Variants in NR3C2 observed in about 807,000 individuals in gnomAD.
The protein encoded by NR3C2 is mineralocorticoid receptor.
Under a neutral mutation model 86.4 loss-of-function variants are expected in NR3C2, and 15 were observed. The observed-to-expected ratio is 0.17, with a 90% CI of 0.12 to 0.27. NR3C2 has a LOEUF of 0.27. Ranked by LOEUF, NR3C2 falls within the 10% of genes least tolerant of loss-of-function variation. NR3C2 has a pLI of 1.00. For missense variants in NR3C2, 960 were observed against 1,195.6 expected (o/e 0.80, Z 2.91); for synonymous variants, 458 against 450.5 (o/e 1.02, Z -0.21).
chr4:148,230,922 T>A (rs909262578), intron 3 of NR3C2, among the ~76,000 whole-genome samples: 5 of 152,250 alleles, frequency 3.3e-5, no homozygotes, highest in African/African-American at 7.2e-5. Context: ...TCTCCAAATT[T>A]AAGTATCGAT....
At chr4:148,288,839 C>T (rs966560682) in intron 2 of NR3C2, among the ~76,000 whole-genome samples, 4 of 152,084 alleles carry the variant, frequency 2.6e-5, no homozygotes, top group African/African-American at 9.7e-5. Context: ...CAGTGTTATG[C>T]CCCCTGCTTA....
intron 6 of NR3C2, among the ~76,000 whole-genome samples, chr4:148,148,741 C>A (rs1177419084): frequency 6.6e-6 from 1 of 152,194 alleles, no homozygotes; most frequent in Non-Finnish European, 1.5e-5. Context: ...CCATTAACTG[C>A]TCTCAGAGCA....
intron 4 of NR3C2, among the ~76,000 whole-genome samples, chr4:148,189,264 C>T (rs1736084600): frequency 1.3e-5 from 2 of 152,078 alleles, no homozygotes; most frequent in Non-Finnish European, 2.9e-5. Flanking sequence ...TGGATTTTGT[C>T]TAATGCATTT....
intron 2 of NR3C2, among the ~76,000 whole-genome samples, chr4:148,381,831 G>A (rs1049579411): frequency 6.6e-6 from 1 of 152,130 alleles, no homozygotes; most frequent in East Asian, 1.9e-4. Context: ...ACGCTTGTGT[G>A]TATTTTTCAG....
intron 2 of NR3C2, among the ~76,000 whole-genome samples, chr4:148,329,060 A>G (rs1744101329): frequency 6.6e-6 from 1 of 152,198 alleles, no homozygotes; most frequent in Non-Finnish European, 1.5e-5. Flanking sequence ...ATCATAGGTC[A>G]AAATTGCAAA....
chr4:148,405,512 C>G (rs1748377454), intron 2 of NR3C2, among the ~76,000 whole-genome samples: 1 of 152,022 alleles, frequency 6.6e-6, no homozygotes, highest in Non-Finnish European at 1.5e-5. Flanking sequence ...TGAAAGTTAC[C>G]AAGTTGAAAA....
intron 4 of NR3C2, among the ~76,000 whole-genome samples, chr4:148,173,873 G>A (rs1189331739): frequency 1.3e-5 from 2 of 152,144 alleles, no homozygotes; most frequent in South Asian, 2.1e-4. Context: ...AGGAGCCCCC[G>A]ACTGTGTGGA....
chr4:148,214,420 T>C (rs535686613), intron 3 of NR3C2, among the ~76,000 whole-genome samples: 1 of 152,196 alleles, frequency 6.6e-6, no homozygotes, highest in Non-Finnish European at 1.5e-5. Context: ...ATACCCACTT[T>C]CCACAATTTG....
At chr4:148,323,105 C>A (rs1053590293) in intron 2 of NR3C2, among the ~76,000 whole-genome samples, 2 of 149,120 alleles carry the variant, frequency 1.3e-5, no homozygotes, top group Admixed American at 6.7e-5. Flanking sequence ...ACAGACAGGA[C>A]CCTCAGCTGC....
chr4:148,168,598 G>A (rs1484988821), intron 4 of NR3C2, among the ~76,000 whole-genome samples: 1 of 152,168 alleles, frequency 6.6e-6, no homozygotes, highest in African/African-American at 2.4e-5. Flanking sequence ...GACATTTATT[G>A]ATATTTATTT....
intron 2 of NR3C2, among the ~76,000 whole-genome samples, chr4:148,276,628 T>A (rs762000399): frequency 4.5e-4 from 68 of 152,180 alleles, no homozygotes; most frequent in Non-Finnish European, 8.8e-4. Flanking sequence ...ATGGTGCTCA[T>A]TTAGCAAGTG....
At chr4:148,257,920 C>T (rs1247759520) in intron 3 of NR3C2, among the ~76,000 whole-genome samples, 4 of 152,084 alleles carry the variant, frequency 2.6e-5, no homozygotes, top group East Asian at 1.9e-4. Flanking sequence ...ATCCATGGAT[C>T]GATCAGCTTT....
Position 148,246,093 on chromosome 4 carries a change from TAACAACAAC to T in NR3C2, c.1897+13876_1897+13884del, listed in dbSNP as rs138674569. On this transcript the variant is annotated intron_variant, in intron 3 of 8. Transcript: ENST00000358102. The stretch of plus-strand genomic sequence containing the variant: ...AATGGTGTTCCCTGGTCAGATGCTA[TAACAACAAC>T]AACAACAACAACAACAACAAAACAG... Among the ~76,000 whole-genome samples, 1,284 of 150,776 alleles carry T rather than the reference TAACAACAAC, an allele frequency of 8.5e-3. 7 individuals are homozygous for T. The highest frequency in any genetic ancestry group is 0.024 in the Middle Eastern group (7 of 290).
chr4:148,235,374 G>A (rs1579049633), intron 3 of NR3C2, among the ~76,000 whole-genome samples: 1 of 151,670 alleles, frequency 6.6e-6, no homozygotes, highest in African/African-American at 2.4e-5. Context: ...AGGAAAAGGG[G>A]ATATGCCGCT....
intron 4 of NR3C2, among the ~76,000 whole-genome samples, chr4:148,186,122 A>C (rs1428410613): frequency 6.6e-6 from 1 of 152,168 alleles, no homozygotes; most frequent in East Asian, 1.9e-4. Context: ...TTATTTCCAT[A>C]CTCTCATCAA....
intron 2 of NR3C2, among the ~76,000 whole-genome samples, chr4:148,265,709 A>G (rs971168511): frequency 1.3e-5 from 2 of 152,194 alleles, no homozygotes; most frequent in Admixed American, 1.3e-4. Flanking sequence ...TATGTAATCA[A>G]TTCAAACATT....
At chr4:148,089,516 A>T (rs932421324) in intron 8 of NR3C2, among the ~76,000 whole-genome samples, 3 of 152,210 alleles carry the variant, frequency 2.0e-5, no homozygotes, top group Non-Finnish European at 4.4e-5. Context: ...GAGCGCTTTG[A>T]TTCTGTCCTT....
At chr4:148,397,620 CA>C (rs983485193) in intron 2 of NR3C2, among the ~76,000 whole-genome samples, 1 of 152,112 alleles carries the variant, frequency 6.6e-6, no homozygotes, top group African/African-American at 2.4e-5. Context: ...AATTCTAATA[CA>C]AAAAACTCCT....
chr4:148,260,557 T>A (rs1046944552), intron 2 of NR3C2, among the ~76,000 whole-genome samples: 10 of 152,160 alleles, frequency 6.6e-5, no homozygotes, highest in Non-Finnish European at 1.5e-5. Context: ...GCCAAAAAAA[T>A]TTTAAACCTC....
Sources: gnomAD v4.1 joint callset for allele counts (sites outside exome capture counted in the v4.1 genomes callset) on GRCh38, gnomAD v4.1.1 for gene constraint, MANE v1.5 for transcripts, NCBI Gene and HGNC (gene_info 2026-07-23, HGNC 2026-07-21) for gene names.